The following SLC38A4 variants were observed in gnomAD, a reference collection of about 807,000 sequenced individuals.
SLC38A4 encodes the protein sodium-coupled neutral amino acid transporter 4.
In SLC38A4, 20 loss-of-function variants were observed where a neutral mutation model predicts 63.1. That is an observed-to-expected ratio of 0.32 (90% CI 0.22 to 0.46). The LOEUF (loss-of-function observed/expected upper bound fraction) is 0.46. Ranked by LOEUF, SLC38A4 falls within the 20% of genes least tolerant of loss-of-function variation. The pLI is 1.00. For missense variants in SLC38A4, 526 were observed against 663.6 expected (o/e 0.79, Z 2.28); for synonymous variants, 230 against 225.5 (o/e 1.02, Z -0.18).
At chr12:46,816,340 T>A (rs974609271) in intron 1 of SLC38A4, among the ~76,000 whole-genome samples, 12 of 151,832 alleles carry the variant, frequency 7.9e-5, no homozygotes, top group Admixed American at 6.6e-4. Context: ...CACAAAACCA[T>A]ACATGTAAGA....
intron 4 of SLC38A4, 80 bp from the exon 5 acceptor site, chr12:46,788,111 T>C (rs547689358): frequency 3.9e-6 from 4 of 1,032,142 alleles, no homozygotes; most frequent in Non-Finnish European, 5.9e-6. Flanking sequence ...TCTCACATTA[T>C]CTGCAGATTA....
chr12:46,828,955 C>G (rs1420915217), upstream of SLC38A4, among the ~76,000 whole-genome samples: 1 of 152,098 alleles, frequency 6.6e-6, no homozygotes, highest in African/African-American at 2.4e-5. Context: ...TTCTAACACC[C>G]TTGTTTCCTT....
At chr12:46,771,370 G>C (rs897508250) in intron 14 of SLC38A4, among the ~76,000 whole-genome samples, 3 of 152,094 alleles carry the variant, frequency 2.0e-5, no homozygotes, top group African/African-American at 7.2e-5. Context: ...AATAGTCACA[G>C]TTTGTTTTTT....
chr12:46,773,457 A>G (rs1938461190), intron 14 of SLC38A4, among the ~76,000 whole-genome samples: 1 of 152,076 alleles, frequency 6.6e-6, no homozygotes, highest in Non-Finnish European at 1.5e-5. Context: ...TGTTGAGTGG[A>G]AATACATAAT....
chr12:46,783,197 T>C (rs537009940), intron 7 of SLC38A4, among the ~76,000 whole-genome samples: 3 of 151,074 alleles, frequency 2.0e-5, no homozygotes, highest in South Asian at 2.1e-4. Flanking sequence ...ACAGGACATG[T>C]AGGGTATAGA....
chr12:46,779,986 C>T lies in SLC38A4; in HGVS notation c.538G>A (p.Val180Ile), dbSNP rs1476025964. 2 of 1,612,322 alleles carry T rather than the reference C, an allele frequency of 1.2e-6. No individual in the cohort carries two copies. Among genetic ancestry groups the T allele is most frequent in the East Asian group, 4.5e-5 (2 of 44,796 alleles). ...LFIIKYELPE[V>I]IRAFMGLEEN... is the part of the protein sequence containing the mutation. ...TCAAGTCCCATGAATGCTCTGATTACTTCAGGTAGTTCATATTTAATGATA... is the reference window on the plus strand; with the variant it reads ...TCAAGTCCCATGAATGCTCTGATTATTTCAGGTAGTTCATATTTAATGATA... The change falls in exon 8 of 17, where the codon GTA becomes ATA. Residue 180 changes from valine to isoleucine, a missense_variant. By Grantham distance (29) the Val-to-Ile change is conservative. Coordinates refer to ENST00000266579, the MANE Select transcript of SLC38A4 (RefSeq NM_018018.5).
chr12:46,769,291 T>C lies in SLC38A4; in HGVS notation c.1437A>G (p.Gly479=), dbSNP rs1938361789. The C allele has an allele frequency of 1.2e-6, 2 of 1,613,034 alleles. No homozygotes were observed. The highest frequency in any genetic ancestry group is 1.7e-6 in the Non-Finnish European group (2 of 1,179,338). ...AGCCTTTCTGAAACTCACCTATGAA[T>C]CCGAAGATGTATTTTATAGTTGGCA... ...ILVPTIKYIF[G]FIGASSATML... is the part of the protein sequence containing the mutation. The change falls in exon 15 of 17, where the codon GGA becomes GGG. Residue 479 remains glycine, a synonymous_variant. Transcript: ENST00000266579.
rs1410657506 is a variant in SLC38A4, at chr12:46,778,483, C to G, written c.993+18G>C. 2.5e-6 allele frequency: 4 copies of G among 1,610,542 alleles called. No individual in the cohort carries two copies. The highest frequency in any genetic ancestry group is 3.4e-6 in the Non-Finnish European group (4 of 1,177,402). On this transcript the variant is annotated intron_variant, in intron 11 of 16. Coordinates refer to ENST00000266579, the MANE Select transcript of SLC38A4 (RefSeq NM_018018.5). ...AACACATAACTGTACTCATTAGAAGCCCGGACCGCTCACTTACCCGGGAGT... is the reference window on the plus strand; with the variant it reads ...AACACATAACTGTACTCATTAGAAGGCCGGACCGCTCACTTACCCGGGAGT...
At chr12:46,795,443 A>C (rs1159427335) in intron 2 of SLC38A4, among the ~76,000 whole-genome samples, 1 of 152,114 alleles carries the variant, frequency 6.6e-6, no homozygotes, top group Non-Finnish European at 1.5e-5. Flanking sequence ...TAAGTGAAAT[A>C]TAATTCTATA....
intron 2 of SLC38A4, among the ~76,000 whole-genome samples, chr12:46,800,330 T>G (rs1034208696): frequency 6.6e-6 from 1 of 152,090 alleles, no homozygotes; most frequent in Non-Finnish European, 1.5e-5. Flanking sequence ...TAGACTAAAG[T>G]CAAATTTCCT....
At chr12:46,826,161 T>A (rs1376362023), upstream of SLC38A4, among the ~76,000 whole-genome samples, 2 of 152,224 alleles carry the variant, frequency 1.3e-5, no homozygotes, top group Non-Finnish European at 2.9e-5. Flanking sequence ...TTCTTCAACA[T>A]CTTTATAGTA....
chr12:46,812,255 T>C (rs1939352989), intron 1 of SLC38A4, among the ~76,000 whole-genome samples: 1 of 152,094 alleles, frequency 6.6e-6, no homozygotes, highest in African/African-American at 2.4e-5. Context: ...GCTTGCATCT[T>C]TTCTTTCTCT....
chr12:46,776,400 A>T (rs1319048585), intron 13 of SLC38A4, among the ~76,000 whole-genome samples: 1 of 152,040 alleles, frequency 6.6e-6, no homozygotes, highest in African/African-American at 2.4e-5. Context: ...TTAGGAAATC[A>T]TTTAGTATAA....
chr12:46,791,804 G>C (rs993445692), intron 3 of SLC38A4, among the ~76,000 whole-genome samples: 1 of 152,078 alleles, frequency 6.6e-6, no homozygotes, highest in African/African-American at 2.4e-5. Context: ...GGGGAGTAGA[G>C]TAATTTGGAA....
upstream of SLC38A4, among the ~76,000 whole-genome samples, chr12:46,828,589 C>T (rs1939690667): frequency 6.6e-6 from 1 of 152,212 alleles, no homozygotes; most frequent in Non-Finnish European, 1.5e-5. Context: ...TCCCAAAGAG[C>T]TGGGATTACA....
chr12:46,808,454 A>G (rs188134070), intron 1 of SLC38A4, among the ~76,000 whole-genome samples: 52 of 152,092 alleles, frequency 3.4e-4, no homozygotes, highest in African/African-American at 9.1e-4. Context: ...TGACAAATTT[A>G]TTGACTTTGC....
intron 8 of SLC38A4, 31 bp downstream of exon 8, chr12:46,779,918 C>G: frequency 6.2e-7 from 1 of 1,609,658 alleles, no homozygotes; most frequent in South Asian, 1.1e-5. Context: ...GAATGAGTCA[C>G]TTGATGTCAC....
intron 1 of SLC38A4, among the ~76,000 whole-genome samples, chr12:46,822,323 A>T (rs1246446629): frequency 6.6e-6 from 1 of 152,122 alleles, no homozygotes; most frequent in African/African-American, 2.4e-5. Flanking sequence ...TTTTTATGAG[A>T]CCTAAGATGG....
At chr12:46,797,062 G>GT (rs1939024202) in intron 2 of SLC38A4, among the ~76,000 whole-genome samples, 1 of 151,990 alleles carries the variant, frequency 6.6e-6, no homozygotes, top group Non-Finnish European at 1.5e-5. Flanking sequence ...AGTTTTTGTG[G>GT]TTTGTCCTTT....
Sources: allele counts gnomAD v4.1 joint callset (sites outside exome capture counted in the v4.1 genomes callset), GRCh38; gene constraint gnomAD v4.1.1; transcripts MANE v1.5; gene names NCBI Gene and HGNC (gene_info 2026-07-23, HGNC 2026-07-21).